COQ8A: variants seen among roughly 807,000 people sequenced by gnomAD.
COQ8A encodes atypical kinase COQ8A, mitochondrial.
COQ8A carries 51 observed loss-of-function variants against 65.0 expected under a neutral mutation model. That is an observed-to-expected ratio of 0.78 (90% CI 0.63 to 0.99). The LOEUF is 0.99. Ranked by LOEUF, COQ8A falls within the 50% of genes least tolerant of loss-of-function variation. The probability of loss-of-function intolerance (pLI) is 0.00; values close to 1 mark genes in which losing one functional copy is unlikely to be tolerated. For synonymous variants in COQ8A, 371 were observed against 353.2 expected, an observed-to-expected ratio of 1.05 and a Z score of -0.57; for missense variants, 940 against 875.0, an observed-to-expected ratio of 1.07 and a Z score of -0.94.
intron 4 of COQ8A, among the ~76,000 whole-genome samples, chr1:226,971,924 C>G (rs920935745): frequency 4.6e-5 from 7 of 152,202 alleles, no homozygotes; most frequent in African/African-American, 1.7e-4. Flanking sequence ...TCTTCAAATA[C>G]TGTATCTGTA....
intron 10 of COQ8A, 41 bp from the exon 11 acceptor site, chr1:226,984,053 G>T (rs762341495): frequency 6.2e-7 from 1 of 1,611,586 alleles, no homozygotes; most frequent in Non-Finnish European, 8.5e-7. Context: ...GGACGGTGTG[G>T]AGGGCCTGTG....
Position 226,985,281 on chromosome 1 carries a change from A to G in COQ8A, c.1600A>G (p.Arg534Gly). Residue 534 changes from arginine (R) to glycine (G), a missense_variant, in exon 14 of 15, where the codon AGG becomes GGG. Arg to Gly is a moderately radical substitution (Grantham distance 125). Transcript: ENST00000366777. ...QIIRAAADRD[R>G]ETVRAKSIEM... ...CATCAGGGCTGCTGCCGACAGGGAC[A>G]GGGAGACTGTGCGGGCGAAATCCAT... 2 of 1,613,820 alleles carry G rather than the reference A, an allele frequency of 1.2e-6. No homozygotes were observed. Among genetic ancestry groups the G allele is most frequent in the Admixed American group, 3.3e-5 (2 of 60,030 alleles).
intron 8 of COQ8A, 174 bp downstream of exon 8, chr1:226,983,208 G>GT: frequency 9.3e-7 from 1 of 1,072,932 alleles, no homozygotes; most frequent in Admixed American, 2.9e-5. Context: ...AGCTTGGGAA[G>GT]TATTTGCTAA....
chr1:226,946,482 G>T lies in COQ8A; in HGVS notation c.-10+6083G>T, dbSNP rs1461105957. ...AGGTATCGCTGCAGAGGTGTCTGGGGCTCCACAGTGAAGGGCCTTGCTGGC... is the reference window on the plus strand; with the variant it reads ...AGGTATCGCTGCAGAGGTGTCTGGGTCTCCACAGTGAAGGGCCTTGCTGGC... On this transcript the variant is annotated intron_variant, in intron 1 of 14. Coordinates refer to ENST00000366777, the MANE Select transcript of COQ8A (RefSeq NM_020247.5). This position sits in a 1 kb window ranked among gnomAD's most constrained non-coding sequence, Gnocchi z 5.3. Among the ~76,000 whole-genome samples the T allele has an allele frequency of 6.6e-6, 1 of 152,132 alleles. No homozygotes were observed. Among genetic ancestry groups the T allele is most frequent in the African/African-American group, 2.4e-5 (1 of 41,426 alleles).
Position 226,977,529 on chromosome 1 carries a change from C to T in COQ8A, c.730+6C>T, listed in dbSNP as rs773458514. Reference sequence around the variant, plus strand: ...GCGCTCCGAGGACCCCTCAGGTGAGCCGGGCCCTTCAGTGGGAGGGGCAGG... The same window carrying T: ...GCGCTCCGAGGACCCCTCAGGTGAGTCGGGCCCTTCAGTGGGAGGGGCAGG... On this transcript the variant is annotated splice_donor_region_variant and intron_variant, in intron 5 of 14. Coordinates refer to ENST00000366777, the MANE Select transcript of COQ8A (RefSeq NM_020247.5). 6.4e-6 allele frequency: 10 copies of T among 1,555,012 alleles called. No individual in the cohort carries two copies. Among genetic ancestry groups the T allele is most frequent in the Non-Finnish European group, 8.7e-6 (10 of 1,148,994 alleles).
chr1:226,986,000 G>A (rs868533577), intron 14 of COQ8A, among the ~76,000 whole-genome samples: 3 of 152,168 alleles, frequency 2.0e-5, no homozygotes, highest in Admixed American at 6.5e-5. Context: ...TGTCCCTGGC[G>A]GCAGCTCCTC....
intron 4 of COQ8A, among the ~76,000 whole-genome samples, chr1:226,970,105 G>A (rs769988614): frequency 2.0e-5 from 3 of 152,154 alleles, no homozygotes; most frequent in Admixed American, 6.5e-5. Context: ...GGTGTGTGCT[G>A]CCATGCCCGG....
intron 5 of COQ8A, among the ~76,000 whole-genome samples, chr1:226,981,220 C>A (rs1485769634): frequency 6.6e-6 from 1 of 152,222 alleles, no homozygotes; most frequent in Non-Finnish European, 1.5e-5. Flanking sequence ...GATAGGGGCA[C>A]CTCCATGTCT....
At chr1:226,955,344 C>T (rs1212565886) in intron 1 of COQ8A, among the ~76,000 whole-genome samples, 7 of 150,948 alleles carry the variant, frequency 4.6e-5, no homozygotes, top group Middle Eastern at 3.5e-3. Context: ...CCCTGGCTCC[C>T]GCTTTTCCTG....
chr1:226,944,750 T>A (rs6677926), intron 1 of COQ8A, among the ~76,000 whole-genome samples: 4,184 of 23,444 alleles, frequency 0.18, 360 homozygotes, highest in South Asian at 0.27. Context: ...AGAGAGAGAG[T>A]GAGAGAGAGA....
At chr1:226,961,608 G>T in intron 2 of COQ8A, 46 bp downstream of exon 2, 1 of 1,574,058 alleles carries the variant, frequency 6.4e-7, no homozygotes, top group Non-Finnish European at 8.6e-7. Context: ...GAAGAGGGTG[G>T]GACCTGGAGC....
intron 7 of COQ8A, 25 bp from the exon 8 acceptor site, chr1:226,982,869 G>C: frequency 1.9e-6 from 3 of 1,612,662 alleles, no homozygotes; most frequent in Non-Finnish European, 2.5e-6. Flanking sequence ...CATGCTCAGA[G>C]CCCCTCCCTG....
In COQ8A at chr1:226,961,359, T is replaced by G. The variant is rs1181290918; in HGVS notation, c.-9-18T>G. On this transcript the variant is annotated intron_variant, in intron 1 of 14. Transcript: ENST00000366777. ...CAGAGGCCTGGGGCCTCCCCTGACT[T>G]GGCCTCCTCTCTTCCAGCCCTGAAG... The G allele has an allele frequency of 1.2e-6, 2 of 1,613,096 alleles. No homozygotes were observed. Among genetic ancestry groups the G allele is most frequent in the Admixed American group, 3.3e-5 (2 of 60,008 alleles).
chr1:226,984,760 C>T, intron 12 of COQ8A, 105 bp downstream of exon 12: 1 of 1,493,500 alleles, frequency 6.7e-7, no homozygotes, highest in East Asian at 2.3e-5. Context: ...CAGCAGAGAG[C>T]TCAGGGCTCT....
intron 6 of COQ8A, 109 bp downstream of exon 6, chr1:226,982,258 G>A: frequency 2.1e-6 from 3 of 1,457,826 alleles, no homozygotes; most frequent in South Asian, 1.3e-5. Flanking sequence ...CAAGATGTGA[G>A]CAGGCTGGGG....
chr1:226,984,696 G>A lies in COQ8A; in HGVS notation c.1506+41G>A, dbSNP rs1301730605. 2.5e-6 allele frequency: 4 copies of A among 1,583,656 alleles called. No homozygotes were observed. The South Asian group carries it at 4.4e-5, about 17-fold the overall frequency. Reference sequence around the variant, plus strand: ...GGGGCACCCGCAGCCAGGCCTGAGAGCTTCTCCGAATGGGGCACGTGAGGC... The same window carrying A: ...GGGGCACCCGCAGCCAGGCCTGAGAACTTCTCCGAATGGGGCACGTGAGGC... On this transcript the variant is annotated intron_variant, in intron 12 of 14. Transcript: ENST00000366777.
At position 226,984,129 on chromosome 1, in the gene COQ8A, C is replaced by T; in HGVS notation, c.1292C>T (p.Pro431Leu). The T allele has an allele frequency of 6.2e-7, 1 of 1,613,808 alleles. No homozygotes were observed. Among genetic ancestry groups the T allele is most frequent in the African/African-American group, 1.3e-5 (1 of 75,046 alleles). Residue 431 changes from proline to leucine, a missense_variant, in exon 11 of 15, where the codon CCT (proline) becomes CTT (leucine). Transcript: ENST00000366777. ...LLKGHPFFYV[P>L]EIVDELCSPH... is the part of the protein sequence containing the mutation. ...AAGGGCCACCCCTTCTTCTATGTGC[C>T]TGAGATTGTGGATGAGCTCTGCAGC...
chr1:226,943,066 C>CCTA (rs1656798889), intron 1 of COQ8A, among the ~76,000 whole-genome samples: 1 of 152,200 alleles, frequency 6.6e-6, no homozygotes, highest in South Asian at 2.1e-4. Context: ...TTTCCTGTAA[C>CCTA]ACTCCTTGGT....
intron 4 of COQ8A, among the ~76,000 whole-genome samples, chr1:226,970,757 G>T (rs1265506886): frequency 2.0e-5 from 3 of 152,062 alleles, no homozygotes; most frequent in Non-Finnish European, 2.9e-5. Flanking sequence ...AACACCACAA[G>T]AATTATTTCT....
Sources: gnomAD v4.1 joint callset for allele counts (sites outside exome capture counted in the v4.1 genomes callset) on GRCh38, gnomAD v4.1.1 for gene constraint, Gnocchi (gnomAD v3.1) non-coding constraint, MANE v1.5 for transcripts, NCBI Gene and HGNC (gene_info 2026-07-23, HGNC 2026-07-21) for gene names.